Variants in SCFD2 observed in about 807,000 individuals in gnomAD.
The protein encoded by SCFD2 is sec1 family domain-containing protein 2.
SCFD2 carries 54 observed loss-of-function variants against 58.9 expected under a neutral mutation model. The observed-to-expected ratio is 0.92, with a 90% CI of 0.74 to 1.15. The LOEUF is 1.15. Among genes scored for constraint, SCFD2 ranks in the 50% most tolerant of loss-of-function variants. The pLI is 0.00. For synonymous variants in SCFD2, 321 were observed against 335.9 expected (o/e 0.96, Z 0.49); for missense variants, 805 against 836.6 (o/e 0.96, Z 0.47).
At chr4:52,899,217 T>G (rs923454842) in intron 7 of SCFD2, among the ~76,000 whole-genome samples, 1 of 152,188 alleles carries the variant, frequency 6.6e-6, no homozygotes, top group Non-Finnish European at 1.5e-5. Context: ...TATTTTGCTC[T>G]TTAGTTGATG....
intron 1 of SCFD2, among the ~76,000 whole-genome samples, chr4:53,358,047 A>G (rs571445784): frequency 6.2e-4 from 95 of 152,332 alleles, no homozygotes; most frequent in African/African-American, 2.2e-3. Flanking sequence ...AAATTAAAGG[A>G]ATTTACATAT....
intron 5 of SCFD2, among the ~76,000 whole-genome samples, chr4:52,980,404 G>A (rs1872043): frequency 0.09 from 13,667 of 152,120 alleles, 1,235 homozygotes; most frequent in African/African-American, 0.22. Flanking sequence ...TGGAATAACC[G>A]TAGTTCAGAG....
intron 5 of SCFD2, among the ~76,000 whole-genome samples, chr4:52,993,965 G>A (rs553257955): frequency 5.3e-5 from 8 of 152,338 alleles, no homozygotes; most frequent in Admixed American, 5.2e-4. Flanking sequence ...AGCGCAGACC[G>A]CATTGCTTGG....
chr4:53,189,064 G>C (rs1430206199), intron 4 of SCFD2, among the ~76,000 whole-genome samples: 1 of 152,188 alleles, frequency 6.6e-6, no homozygotes, highest in Non-Finnish European at 1.5e-5. Flanking sequence ...GCCCAAGCTA[G>C]TCCCACTGGT....
At chr4:53,245,435 G>A (rs771985002) in intron 4 of SCFD2, among the ~76,000 whole-genome samples, 2 of 152,080 alleles carry the variant, frequency 1.3e-5, no homozygotes, top group Non-Finnish European at 2.9e-5. Context: ...TATCCATGGA[G>A]TGCAAGGTTG....
intron 7 of SCFD2, among the ~76,000 whole-genome samples, chr4:52,904,648 G>C (rs760721095): frequency 2.0e-4 from 30 of 152,200 alleles, no homozygotes; most frequent in Non-Finnish European, 4.0e-4. Flanking sequence ...GAGCTGGATA[G>C]ATACTGGAAA....
intron 4 of SCFD2, among the ~76,000 whole-genome samples, chr4:53,251,394 G>T (rs1271846888): frequency 6.6e-5 from 10 of 151,706 alleles, no homozygotes; most frequent in African/African-American, 1.9e-4. Flanking sequence ...GAGGCCAGCA[G>T]CATCCTGATA....
chr4:53,260,668 G>C (rs1369507159), intron 4 of SCFD2, among the ~76,000 whole-genome samples: 1 of 152,062 alleles, frequency 6.6e-6, no homozygotes, highest in Non-Finnish European at 1.5e-5. Flanking sequence ...ATGTTCATCA[G>C]GGATATTGGT....
chr4:53,174,871 A>T (rs1246251721), intron 4 of SCFD2, among the ~76,000 whole-genome samples: 1 of 152,168 alleles, frequency 6.6e-6, no homozygotes, highest in African/African-American at 2.4e-5. Flanking sequence ...TTAGCATGGG[A>T]TGTTTTTGTT....
chr4:52,937,755 C>T (rs544977523), intron 5 of SCFD2, among the ~76,000 whole-genome samples: 3 of 152,026 alleles, frequency 2.0e-5, no homozygotes, highest in Admixed American at 1.3e-4. Context: ...CTCAGAAGCT[C>T]GACATGGGCA....
chr4:53,273,763 G>T, intron 4 of SCFD2, 63 bp downstream of exon 4: 1 of 1,405,992 alleles, frequency 7.1e-7, no homozygotes, highest in South Asian at 1.4e-5. Flanking sequence ...AAATGTCAAG[G>T]TTTTTCTCTG....
rs1415342353 is a variant in SCFD2, at chr4:53,365,972, G to A, written c.-31C>T. 4.0e-6 allele frequency: 6 copies of A among 1,509,844 alleles called. No individual in the cohort carries two copies. Among genetic ancestry groups the A allele is most frequent in the East Asian group, 2.3e-5 (1 of 44,092 alleles). The allele number at this position is 1,509,844 out of a possible 1,614,324, so 93.5% of individuals were successfully genotyped here. On this transcript the variant is annotated 5_prime_UTR_variant, in exon 1 of 9. Coordinates refer to ENST00000401642, the MANE Select transcript of SCFD2 (RefSeq NM_152540.4). This position sits in a 1 kb window ranked among gnomAD's most constrained non-coding sequence, Gnocchi z 4.3. Reference sequence around the variant, plus strand: ...GGGATTCGCAGACTTGGGAAACTACGGTGCAGGAACTTCTTTCAGAACTCA... The same window carrying A: ...GGGATTCGCAGACTTGGGAAACTACAGTGCAGGAACTTCTTTCAGAACTCA...
chr4:53,193,777 G>A lies in SCFD2; in HGVS notation c.1312-48195C>T, dbSNP rs535642891. ...TTGAGTACTTTTTGTTTCTATCACCGTTGTTTTTAAAATATTTTATTCTTA... is the reference window on the plus strand; with the variant it reads ...TTGAGTACTTTTTGTTTCTATCACCATTGTTTTTAAAATATTTTATTCTTA... On this transcript the variant is annotated intron_variant, in intron 4 of 8. Transcript: ENST00000401642. 1.4e-4 allele frequency among the ~76,000 whole-genome samples: 21 copies of A among 152,136 alleles called. No homozygotes were observed. In the East Asian group the frequency reaches 1.7e-3, roughly 13 times the overall value.
chr4:53,277,859 T>C (rs1250546588), intron 3 of SCFD2, among the ~76,000 whole-genome samples: 1 of 150,482 alleles, frequency 6.6e-6, no homozygotes, highest in Non-Finnish European at 1.5e-5. Context: ...GAGACCATCC[T>C]GGCTAACACG....
At chr4:52,970,157 T>C (rs1315685345) in intron 5 of SCFD2, among the ~76,000 whole-genome samples, 1 of 152,044 alleles carries the variant, frequency 6.6e-6, no homozygotes, top group Non-Finnish European at 1.5e-5. Flanking sequence ...CTGGGGAGTG[T>C]TGGAAAGTGG....
chr4:53,339,186 TA>T (rs1229255200), intron 2 of SCFD2, among the ~76,000 whole-genome samples: 2 of 152,082 alleles, frequency 1.3e-5, no homozygotes, highest in African/African-American at 2.4e-5. Context: ...ATTCTAAATG[TA>T]AGTAGCAGAA....
In SCFD2 at chr4:53,156,615, A is replaced by G. The variant is rs542717364; in HGVS notation, c.1312-11033T>C. On this transcript the variant is annotated intron_variant, in intron 4 of 8. Coordinates refer to ENST00000401642, the MANE Select transcript of SCFD2 (RefSeq NM_152540.4). Reference sequence around the variant, plus strand: ...TGGGAGCCTGAGGCAGGAGAATGGCATGAACCCAGGAGGCGGAGCTTGCCG... The same window carrying G: ...TGGGAGCCTGAGGCAGGAGAATGGCGTGAACCCAGGAGGCGGAGCTTGCCG... Among the ~76,000 whole-genome samples the G allele has an allele frequency of 3.3e-5, 5 of 152,130 alleles. No homozygotes were observed. In the East Asian group the frequency reaches 5.8e-4, roughly 18 times the overall value.
intron 5 of SCFD2, among the ~76,000 whole-genome samples, chr4:53,001,080 G>A (rs1721856154): frequency 6.6e-6 from 1 of 152,178 alleles, no homozygotes; most frequent in Admixed American, 6.5e-5. Context: ...ATATAACTTT[G>A]CAATACAGTA....
chr4:52,989,835 C>T (rs1002673943), intron 5 of SCFD2, among the ~76,000 whole-genome samples: 6 of 152,160 alleles, frequency 3.9e-5, no homozygotes, highest in African/African-American at 1.2e-4. Flanking sequence ...TGCCCCCTCC[C>T]ACCATCTCTG....
Sources: allele counts gnomAD v4.1 joint callset (sites outside exome capture counted in the v4.1 genomes callset), GRCh38; gene constraint gnomAD v4.1.1; non-coding constraint Gnocchi (gnomAD v3.1); transcripts MANE v1.5; gene names NCBI Gene and HGNC (gene_info 2026-07-23, HGNC 2026-07-21).